Variants in BEGAIN observed in about 807,000 individuals in gnomAD.
BEGAIN encodes the protein brain-enriched guanylate kinase-associated protein.
In BEGAIN, 19 loss-of-function variants were observed where a neutral mutation model predicts 35.8. The observed-to-expected ratio is 0.53, with a 90% CI of 0.37 to 0.78. The LOEUF is 0.78. BEGAIN is among the 30% of genes least tolerant of loss of function. The pLI is 0.00. For synonymous variants in BEGAIN, 462 were observed against 388.6 expected (o/e 1.19, Z -2.22); for missense variants, 795 against 853.6 (o/e 0.93, Z 0.85).
At chr14:100,543,394 C>T (rs1281379308) in intron 5 of BEGAIN, among the ~76,000 whole-genome samples, 1 of 151,570 alleles carries the variant, frequency 6.6e-6, no homozygotes, top group Non-Finnish European at 1.5e-5. Flanking sequence ...AATGCAGAGG[C>T]AGCTGTCCAG....
chr14:100,563,484 T>C lies in BEGAIN; in HGVS notation c.71+4427A>G, dbSNP rs963240830. Among the ~76,000 whole-genome samples, 5 of 152,214 alleles carry C rather than the reference T, an allele frequency of 3.3e-5. No homozygotes were observed. Among genetic ancestry groups the C allele is most frequent in the African/African-American group, 7.2e-5 (3 of 41,442 alleles). On this transcript the variant is annotated intron_variant, in intron 2 of 6. Coordinates refer to ENST00000554140, the MANE Select transcript of BEGAIN (RefSeq NM_001385089.1). The surrounding 1 kb of genome is among the most constrained non-coding windows in gnomAD (Gnocchi z 4.2). ...TCCCCCAGGAGGTGTGGCTGCTGCA[T>C]GTGTAACTGACAGTGTGAAGAGCTC...
intron 6 of BEGAIN, 119 bp from the exon 7 acceptor site, chr14:100,539,434 C>CG (rs1472881315): frequency 6.9e-7 from 1 of 1,442,622 alleles, no homozygotes; most frequent in African/African-American, 1.4e-5. Flanking sequence ...GACAGACGAA[C>CG]GGGGGCCTCC....
chr14:100,577,276 T>C (rs1168555470), intron 1 of BEGAIN: 2 of 398,574 alleles, frequency 5.0e-6, no homozygotes, highest in African/African-American at 4.1e-5. Context: ...AAGCGGCACA[T>C]GGGGAGGGAA....
In BEGAIN at chr14:100,567,500, G is replaced by T. The variant is rs1260186705; in HGVS notation, c.71+411C>A. Among the ~76,000 whole-genome samples the T allele has an allele frequency of 6.6e-6, 1 of 152,068 alleles. No individual in the cohort carries two copies. Among genetic ancestry groups the T allele is most frequent in the Admixed American group, 6.5e-5 (1 of 15,280 alleles). ...CGGGGGCTGGGGCGGGTGGTGGTTGGGGGTGGGGTGGGGTCGGGGGAGAGA... is the reference window on the plus strand; with the variant it reads ...CGGGGGCTGGGGCGGGTGGTGGTTGTGGGTGGGGTGGGGTCGGGGGAGAGA... On this transcript the variant is annotated intron_variant, in intron 2 of 6. Transcript: ENST00000554140. This position sits in a 1 kb window ranked among gnomAD's most constrained non-coding sequence, Gnocchi z 5.1.
chr14:100,543,843 G>A lies in BEGAIN; in HGVS notation c.408+15C>T. 1 of 1,604,834 alleles carries A rather than the reference G, an allele frequency of 6.2e-7. No homozygotes were observed. Among genetic ancestry groups the A allele is most frequent in the South Asian group, 1.1e-5 (1 of 90,188 alleles). On this transcript the variant is annotated intron_variant, in intron 5 of 6. Transcript: ENST00000554140. Reference sequence around the variant, plus strand: ...ACCGGCAGTCTTCCATGGGCCAAGTGTGTGCGGCACTCACGTTGTCCTCTG... The same window carrying A: ...ACCGGCAGTCTTCCATGGGCCAAGTATGTGCGGCACTCACGTTGTCCTCTG...
rs1424491461 is a variant in BEGAIN at position 100,567,385 on chromosome 14, G to A, written c.71+526C>T. 7.9e-5 allele frequency among the ~76,000 whole-genome samples: 12 copies of A among 152,136 alleles called. No homozygotes were observed. On this transcript the variant is annotated intron_variant, in intron 2 of 6. Coordinates refer to ENST00000554140, the MANE Select transcript of BEGAIN (RefSeq NM_001385089.1). This position sits in a 1 kb window ranked among gnomAD's most constrained non-coding sequence, Gnocchi z 5.1. ...TCCCCCAAAATGGCTCCAAGACGCG[G>A]CTGCCTGGTCCAGCCGCGAGGACTC...
intron 1 of BEGAIN, among the ~76,000 whole-genome samples, chr14:100,582,573 C>T (rs1269986253): frequency 6.6e-6 from 1 of 152,212 alleles, no homozygotes; most frequent in African/African-American, 2.4e-5. Context: ...TCTCCAAGGG[C>T]AGCCATGGTC....
chr14:100,577,429 G>A (rs1364246071), intron 1 of BEGAIN: 7 of 399,294 alleles, frequency 1.8e-5, no homozygotes, highest in African/African-American at 6.2e-5. Context: ...CTCAGTGGCC[G>A]CCTCCGAAGA....
At chr14:100,580,929 C>A (rs145685588) in intron 1 of BEGAIN, among the ~76,000 whole-genome samples, 3 of 152,158 alleles carry the variant, frequency 2.0e-5, no homozygotes, top group African/African-American at 7.2e-5. Flanking sequence ...CTCAGGCTCT[C>A]GGGAGGCCAC....
At chr14:100,560,248 G>A (rs1346605588) in intron 2 of BEGAIN, among the ~76,000 whole-genome samples, 2 of 152,190 alleles carry the variant, frequency 1.3e-5, no homozygotes, top group Non-Finnish European at 2.9e-5. Flanking sequence ...CCTGAGATCC[G>A]GGGATCATCC....
intron 5 of BEGAIN, 41 bp from the exon 6 acceptor site, chr14:100,540,620 C>T: frequency 6.7e-7 from 1 of 1,502,304 alleles, no homozygotes; most frequent in Non-Finnish European, 9.1e-7. Flanking sequence ...TTCACCCCAG[C>T]CAAGGCCCCG....
At chr14:100,565,805 C>A (rs2034638636) in intron 2 of BEGAIN, among the ~76,000 whole-genome samples, 1 of 152,206 alleles carries the variant, frequency 6.6e-6, no homozygotes, top group Admixed American at 6.5e-5. Flanking sequence ...TCCCTGCAAC[C>A]TGGTTGTGGT....
rs2034858945 is a variant in BEGAIN at position 100,568,017 on chromosome 14, C to G, written c.43-78G>C. On this transcript the variant is annotated intron_variant, in intron 1 of 6. Transcript: ENST00000554140. The surrounding 1 kb of genome is among the most constrained non-coding windows in gnomAD (Gnocchi z 7.5). ...CCGCGCCGGGCAGAGCCGGGCACAGCGGGCACGGCCGGGCAACCCCGCGGG... is the reference window on the plus strand; with the variant it reads ...CCGCGCCGGGCAGAGCCGGGCACAGGGGGCACGGCCGGGCAACCCCGCGGG... The G allele has an allele frequency of 8.1e-7, 1 of 1,241,334 alleles. No individual in the cohort carries two copies. Among genetic ancestry groups the G allele is most frequent in the East Asian group, 4.2e-5 (1 of 23,770 alleles). The allele number at this position is 1,241,334 out of a possible 1,614,324, so 76.9% of individuals were successfully genotyped here.
At chr14:100,584,094 G>T (rs1198718567) in intron 1 of BEGAIN, among the ~76,000 whole-genome samples, 1 of 152,148 alleles carries the variant, frequency 6.6e-6, no homozygotes, top group African/African-American at 2.4e-5. Context: ...CCTTCAGCAT[G>T]CCTGCGTTGC....
chr14:100,550,143 C>T (rs1285096313), intron 2 of BEGAIN, among the ~76,000 whole-genome samples: 1 of 152,202 alleles, frequency 6.6e-6, no homozygotes, highest in South Asian at 2.1e-4. Context: ...GGTGAGTGCC[C>T]AGCTCCCCTG....
chr14:100,538,361 C>T lies in BEGAIN; in HGVS notation c.1447G>A (p.Ala483Thr). The change falls in exon 7 of 7, where the codon GCC (alanine) becomes ACC (threonine). Residue 483 changes from alanine to threonine, a missense_variant. By Grantham distance (58) the Ala-to-Thr change is moderately conservative. Around this residue, in one of 3 missense-constraint regions of BEGAIN, gnomAD observed 664 missense variants for 647.7 expected, o/e 1.03. Transcript: ENST00000554140. ...TTGTAGCTGGCGTAGAGCGGGCTGG[C>T]GCGGCCGTCGGCCTTCTTGCCCGGG... is the stretch of plus-strand genomic sequence containing the variant. ...GSPGKKADGR[A>T]SPLYASYKAD... 2 of 1,512,916 alleles carry T rather than the reference C, an allele frequency of 1.3e-6. No homozygotes were observed. The highest frequency in any genetic ancestry group is 2.6e-5 in the South Asian group (2 of 76,764). The allele number at this position is 1,512,916 out of a possible 1,614,324, so 93.7% of individuals were successfully genotyped here.
At chr14:100,544,565 C>G (rs1323218998) in intron 4 of BEGAIN, among the ~76,000 whole-genome samples, 2 of 152,234 alleles carry the variant, frequency 1.3e-5, no homozygotes, top group Non-Finnish European at 2.9e-5. Flanking sequence ...GGCGACCCCA[C>G]TGAGGTCACC....
intron 1 of BEGAIN, chr14:100,577,614 G>A (rs2035229265): frequency 2.5e-6 from 1 of 398,992 alleles, no homozygotes; most frequent in South Asian, 1.3e-4. Context: ...CCTCATCCAG[G>A]AACCTGGAGA....
rs939523906 is a variant in BEGAIN, at chr14:100,567,885, C to G, written c.71+26G>C. ...CACCCCCGACCCGGCCCCCGCGAGCCGCGGCACGGGAGACGCTCCACTCAC... is the reference window on the plus strand; with the variant it reads ...CACCCCCGACCCGGCCCCCGCGAGCGGCGGCACGGGAGACGCTCCACTCAC... On this transcript the variant is annotated intron_variant, in intron 2 of 6. Coordinates refer to ENST00000554140, the MANE Select transcript of BEGAIN (RefSeq NM_001385089.1). This position sits in a 1 kb window ranked among gnomAD's most constrained non-coding sequence, Gnocchi z 5.1. 19 of 1,464,646 alleles carry G rather than the reference C, an allele frequency of 1.3e-5. No individual in the cohort carries two copies. Among genetic ancestry groups the G allele is most frequent in the Non-Finnish European group, 1.4e-5 (15 of 1,099,356 alleles). 90.7% of individuals were successfully genotyped at this position (1,464,646 alleles called of 1,614,324 possible). A position where few individuals can be genotyped will look rare whatever the true frequency, so the allele number is the denominator to read the frequency against.
Sources: gnomAD v4.1 joint callset for allele counts (sites outside exome capture counted in the v4.1 genomes callset) on GRCh38, gnomAD v4.1.1 for gene constraint, gnomAD v4.1.1 regional missense constraint, Gnocchi (gnomAD v3.1) non-coding constraint, MANE v1.5 for transcripts, NCBI Gene and HGNC (gene_info 2026-07-23, HGNC 2026-07-21) for gene names.